FBXO42: variants seen among roughly 807,000 people sequenced by gnomAD.
FBXO42 encodes the protein F-box only protein 42.
Under a neutral mutation model 71.7 loss-of-function variants are expected in FBXO42, and 12 were observed. That is an observed-to-expected ratio of 0.17 (90% confidence interval 0.11 to 0.27). The LOEUF (loss-of-function observed/expected upper bound fraction) is 0.27, where lower values mean the gene tolerates loss of function less well. Among genes scored for constraint, FBXO42 ranks in the 10% least tolerant of loss-of-function variants. The probability of loss-of-function intolerance (pLI) is 1.00; values close to 1 mark genes in which losing one functional copy is unlikely to be tolerated. For missense variants in FBXO42, 707 were observed against 911.9 expected (o/e 0.78, Z 2.89); for synonymous variants, 325 against 327.5 (o/e 0.99, Z 0.08).
At chr1:16,275,071 T>C (rs2081885762) in intron 4 of FBXO42, among the ~76,000 whole-genome samples, 1 of 152,148 alleles carries the variant, frequency 6.6e-6, no homozygotes, top group African/African-American at 2.4e-5. Context: ...ATGAGGTCTT[T>C]AAGAACCCAT....
At chr1:16,258,617 G>A (rs138479817) in intron 4 of FBXO42, among the ~76,000 whole-genome samples, 41 of 152,174 alleles carry the variant, frequency 2.7e-4, no homozygotes, top group Admixed American at 1.0e-3. Flanking sequence ...TTGGCCTTTC[G>A]AAGTGTTAGG....
At chr1:16,273,965 A>G (rs921462194) in intron 4 of FBXO42, among the ~76,000 whole-genome samples, 1 of 152,336 alleles carries the variant, frequency 6.6e-6, no homozygotes, top group African/African-American at 2.4e-5. Flanking sequence ...GCAACCACAT[A>G]GATGAATCTC....
chr1:16,349,323 T>C (rs2082679102), intron 1 of FBXO42, among the ~76,000 whole-genome samples: 1 of 152,178 alleles, frequency 6.6e-6, no homozygotes. Context: ...TTTCCTTGTC[T>C]GGCTCCCCAG....
chr1:16,297,117 G>C (rs942157861), intron 3 of FBXO42, among the ~76,000 whole-genome samples: 1 of 151,912 alleles, frequency 6.6e-6, no homozygotes, highest in Non-Finnish European at 1.5e-5. Context: ...GTTAATTTTT[G>C]TATTTTAGTG....
intron 1 of FBXO42, among the ~76,000 whole-genome samples, chr1:16,335,416 G>A (rs2082543813): frequency 6.6e-6 from 1 of 152,164 alleles, no homozygotes; most frequent in Admixed American, 6.6e-5. Context: ...GGAATTACAG[G>A]TGTGAGACAC....
Position 16,252,529 on chromosome 1 carries a change from T to TTTTGCTATCCTTCTGA in FBXO42, c.922-126_922-125insTCAGAAGGATAGCAAA. 1.4e-6 allele frequency: 1 copy of TTTTGCTATCCTTCTGA among 689,862 alleles called. No homozygotes were observed. The highest frequency in any genetic ancestry group is 2.5e-6 in the Non-Finnish European group (1 of 400,208). The allele number at this position is 689,862 out of a possible 1,614,324, so 42.7% of individuals were successfully genotyped here. A position where few individuals can be genotyped will look rare whatever the true frequency, so the allele number is the denominator to read the frequency against. On this transcript the variant is annotated intron_variant, in intron 8 of 9. Coordinates refer to ENST00000375592, the MANE Select transcript of FBXO42 (RefSeq NM_018994.3). This position sits in a 1 kb window ranked among gnomAD's most constrained non-coding sequence, Gnocchi z 4.4. ...AAAGGATGTGGACTCTTCAGAAGGA[T>TTTTGCTATCCTTCTGA]AGCAAAATCCTCAGTTAATTATTCA...
chr1:16,308,738 C>CTTTTTTT, intron 2 of FBXO42, among the ~76,000 whole-genome samples: 1 of 116,510 alleles, frequency 8.6e-6, no homozygotes, highest in Non-Finnish European at 1.7e-5. Flanking sequence ...GACCCCATCT[C>CTTTTTTT]TGTTTTTTTT....
intron 4 of FBXO42, among the ~76,000 whole-genome samples, chr1:16,263,807 C>CTTTTT (rs1193282987): frequency 1.6e-5 from 2 of 126,636 alleles, no homozygotes; most frequent in Non-Finnish European, 1.7e-5. Context: ...CATACATTAA[C>CTTTTT]TTTTTTTTTT....
intron 1 of FBXO42, among the ~76,000 whole-genome samples, chr1:16,348,530 C>G (rs1424725419): frequency 6.7e-6 from 1 of 150,100 alleles, no homozygotes; most frequent in Non-Finnish European, 1.5e-5. Flanking sequence ...AATCCCACCT[C>G]TACTAAAAAA....
At chr1:16,307,736 A>G (rs2082267571) in intron 2 of FBXO42, among the ~76,000 whole-genome samples, 1 of 152,176 alleles carries the variant, frequency 6.6e-6, no homozygotes, top group Admixed American at 6.6e-5. Flanking sequence ...AACAAAATAC[A>G]TACAAAATCT....
intron 1 of FBXO42, among the ~76,000 whole-genome samples, chr1:16,331,715 C>T (rs1018325907): frequency 2.3e-4 from 35 of 150,336 alleles, no homozygotes; most frequent in African/African-American, 7.3e-4. Flanking sequence ...GATCGCACTA[C>T]TGGGCAACAG....
At chr1:16,270,674 CAAAA>C (rs34861558) in intron 4 of FBXO42, among the ~76,000 whole-genome samples, 3 of 14,906 alleles carry the variant, frequency 2.0e-4, no homozygotes, top group Non-Finnish European at 3.5e-4. Flanking sequence ...CTCTGTCTCT[CAAAA>C]AAAAAAAAAA....
intron 2 of FBXO42, among the ~76,000 whole-genome samples, chr1:16,311,639 T>C (rs534671556): frequency 6.6e-6 from 1 of 151,910 alleles, no homozygotes; most frequent in South Asian, 2.1e-4. Context: ...ATATCATTTG[T>C]CATCAGGGAA....
Position 16,250,552 on chromosome 1 carries a change from A to G in FBXO42, c.*118T>C, listed in dbSNP as rs1187429636. On this transcript the variant is annotated 3_prime_UTR_variant, in exon 10 of 10. Coordinates refer to ENST00000375592, the MANE Select transcript of FBXO42 (RefSeq NM_018994.3). The surrounding 1 kb of genome is among the most constrained non-coding windows in gnomAD (Gnocchi z 4.7). ...CCAGCCTGGAGTGACTTCGGTTGGG[A>G]ATTAAAGAGTTTTGGCTTCTGGGAG... The G allele has an allele frequency of 8.5e-7, 1 of 1,175,898 alleles. No individual in the cohort carries two copies. The highest frequency in any genetic ancestry group is 2.5e-5 in the Admixed American group (1 of 40,150). 72.8% of individuals were successfully genotyped at this position (1,175,898 alleles called of 1,614,324 possible). A position where few individuals can be genotyped will look rare whatever the true frequency, so the allele number is the denominator to read the frequency against.
At chr1:16,335,632 G>C (rs1461348330) in intron 1 of FBXO42, among the ~76,000 whole-genome samples, 1 of 152,010 alleles carries the variant, frequency 6.6e-6, no homozygotes, top group Non-Finnish European at 1.5e-5. Flanking sequence ...TTGGGAGGCC[G>C]AGGCGGGTGG....
intron 4 of FBXO42, among the ~76,000 whole-genome samples, chr1:16,264,735 CA>C (rs1399138699): frequency 1.5e-4 from 23 of 152,188 alleles, no homozygotes; most frequent in Non-Finnish European, 2.9e-4. Flanking sequence ...GGCACAAGCC[CA>C]AAAGGCAGCT....
chr1:16,333,446 C>CT (rs1553155453), intron 1 of FBXO42, among the ~76,000 whole-genome samples: 2 of 140,748 alleles, frequency 1.4e-5, no homozygotes, highest in Non-Finnish European at 3.1e-5. Flanking sequence ...ACCCCCCCCC[C>CT]CCATTTCCAA....
chr1:16,255,906 AT>A, intron 5 of FBXO42, 85 bp from the exon 6 acceptor site: 1 of 899,892 alleles, frequency 1.1e-6, no homozygotes, highest in East Asian at 2.6e-5. Context: ...ATTTAAAATG[AT>A]AATCCTATCA....
At chr1:16,334,708 T>C (rs1435910795) in intron 1 of FBXO42, among the ~76,000 whole-genome samples, 3 of 152,116 alleles carry the variant, frequency 2.0e-5, no homozygotes, top group East Asian at 3.9e-4. Flanking sequence ...TTATGAGTTA[T>C]CTAGTTCTCT....
Sources: allele counts gnomAD v4.1 joint callset (sites outside exome capture counted in the v4.1 genomes callset), GRCh38; gene constraint gnomAD v4.1.1; non-coding constraint Gnocchi (gnomAD v3.1); transcripts MANE v1.5; gene names NCBI Gene and HGNC (gene_info 2026-07-23, HGNC 2026-07-21).